Variants in IVD observed in about 807,000 individuals in gnomAD.
The protein encoded by IVD is isovaleryl-CoA dehydrogenase, mitochondrial.
In IVD, 31 loss-of-function variants were observed where a neutral mutation model predicts 51.3. The observed-to-expected ratio is 0.60, with a 90% confidence interval of 0.45 to 0.81. IVD has a LOEUF of 0.81. Ranked by LOEUF, IVD falls within the 40% of genes least tolerant of loss-of-function variation. IVD has a pLI of 0.00. For missense variants in IVD, 475 were observed against 552.0 expected, an observed-to-expected ratio of 0.86 and a Z score of 1.40; for synonymous variants, 205 against 219.4, an observed-to-expected ratio of 0.93 and a Z score of 0.58.
intron 7 of IVD, among the ~76,000 whole-genome samples, chr15:40,430,558 TGG>T (rs1892914669): frequency 6.6e-6 from 1 of 151,640 alleles, no homozygotes; most frequent in African/African-American, 2.4e-5. Context: ...TGGGGCAGAG[TGG>T]ATGCGGGAGG....
chr15:40,427,315 A>G (rs1892726086), downstream of IVD, among the ~76,000 whole-genome samples: 1 of 152,272 alleles, frequency 6.6e-6, no homozygotes, highest in African/African-American at 2.4e-5. Flanking sequence ...GAGCATGCAC[A>G]TGGACATGCA....
chr15:40,428,464 C>G (rs1356570174), downstream of IVD, among the ~76,000 whole-genome samples: 2 of 152,066 alleles, frequency 1.3e-5, no homozygotes, highest in Non-Finnish European at 2.9e-5. Context: ...GCCTTTGGGA[C>G]CTCCCTCTCC....
intron 6 of IVD, 79 bp downstream of exon 6, chr15:40,411,770 A>C: frequency 9.1e-5 from 138 of 1,516,538 alleles, no homozygotes; most frequent in Non-Finnish European, 1.2e-4. Flanking sequence ...CACTGATCTC[A>C]AATGGAATCA....
intron 8 of IVD, 82 bp downstream of exon 8, chr15:40,415,064 C>T (rs1325683123): frequency 2.2e-5 from 33 of 1,518,596 alleles, no homozygotes; most frequent in Non-Finnish European, 3.0e-5. Flanking sequence ...GCAGCCTTCC[C>T]CTTGCGGGGC....
intron 8 of IVD, among the ~76,000 whole-genome samples, chr15:40,434,329 CCTG>C (rs1432599006): frequency 5.3e-5 from 8 of 152,262 alleles, no homozygotes; most frequent in Non-Finnish European, 2.9e-5. Flanking sequence ...AACTTGTCTG[CCTG>C]CTTACTTTTG....
At position 40,414,901 on chromosome 15, in the gene IVD, T is replaced by C; in HGVS notation, c.797T>C (p.Leu266Pro). The C allele has an allele frequency of 6.2e-7, 1 of 1,614,122 alleles. No individual in the cohort carries two copies. Among genetic ancestry groups the C allele is most frequent in the Non-Finnish European group, 8.5e-7 (1 of 1,179,996 alleles). Reference sequence around the variant, plus strand: ...CTTATCCTGGCAGCTGCCAACATCCTGGGCCATGAGAATAAGGGTGTCTAC... The same window carrying C: ...CTTATCCTGGCAGCTGCCAACATCCCGGGCCATGAGAATAAGGGTGTCTAC... ...EDCKIPAANILGHENKGVYVL... is the reference protein window; with the variant it reads ...EDCKIPAANIPGHENKGVYVL... Residue 266 changes from leucine to proline, a missense_variant, in exon 8 of 12, where the codon CTG (leucine) becomes CCG (proline). By Grantham distance (98) the Leu-to-Pro change is moderately conservative. Coordinates refer to ENST00000487418, the MANE Select transcript of IVD (RefSeq NM_002225.5).
rs1566936030 is a variant in IVD at position 40,411,318 on chromosome 15, ATGT to A, written c.519_521del (p.Val174del). On this transcript the variant is annotated inframe_deletion, in exon 5 of 12. Coordinates refer to ENST00000487418, the MANE Select transcript of IVD (RefSeq NM_002225.5). The stretch of plus-strand genomic sequence containing the variant: ...ATGAGTGAGCCCAATGCAGGCTCTG[ATGT>A]TGTCTCTATGAAGCTCAAAGCGGAA... The A allele has an allele frequency of 6.2e-7, 1 of 1,614,142 alleles. No individual in the cohort carries two copies. Among genetic ancestry groups the A allele is most frequent in the Non-Finnish European group, 8.5e-7 (1 of 1,180,034 alleles).
At chr15:40,417,604 C>G (rs1891848880) in intron 11 of IVD, among the ~76,000 whole-genome samples, 1 of 151,940 alleles carries the variant, frequency 6.6e-6, no homozygotes, top group Non-Finnish European at 1.5e-5. Flanking sequence ...CCATGCTGCT[C>G]TGTCATGTTT....
At chr15:40,424,152 T>G (rs919657190), downstream of IVD, 13 of 1,286,748 alleles carry the variant, frequency 1.0e-5, no homozygotes, top group Admixed American at 2.3e-5. Context: ...CCCTCAACCC[T>G]TCCTCTACAC....
downstream of IVD, among the ~76,000 whole-genome samples, chr15:40,423,839 C>T (rs1892510977): frequency 6.6e-6 from 1 of 152,228 alleles, no homozygotes; most frequent in East Asian, 1.9e-4. Flanking sequence ...CGGGCCAGCC[C>T]TGTCCACGGG....
Position 40,405,834 on chromosome 15 carries a change from A to G in IVD, c.7A>G (p.Thr3Ala). 6.2e-7 allele frequency: 1 copy of G among 1,611,850 alleles called. No individual in the cohort carries two copies. Among genetic ancestry groups the G allele is most frequent in the Non-Finnish European group, 8.5e-7 (1 of 1,178,488 alleles). MATATRLLGWRVA... is the reference protein window; with the variant it reads MAAATRLLGWRVA... ...CTCTTCGTGCATGGCAGAGATGGCGACTGCGACTCGGCTGCTGGGGTGGCG... is the reference window on the plus strand; with the variant it reads ...CTCTTCGTGCATGGCAGAGATGGCGGCTGCGACTCGGCTGCTGGGGTGGCG... Residue 3 changes from threonine to alanine, a missense_variant, in exon 1 of 12, where the codon ACT (threonine) becomes GCT (alanine). Transcript: ENST00000487418.
chr15:40,413,698 T>A (rs995559390), intron 7 of IVD, among the ~76,000 whole-genome samples: 4 of 151,232 alleles, frequency 2.6e-5, no homozygotes, highest in African/African-American at 9.7e-5. Flanking sequence ...TTTGTTTGTT[T>A]GTTTGTTTTG....
Position 40,419,222 on chromosome 15 carries a change from C to T in IVD, c.*959C>T. 2 of 1,289,328 alleles carry T rather than the reference C, an allele frequency of 1.6e-6. No individual in the cohort carries two copies. Among genetic ancestry groups the T allele is most frequent in the Non-Finnish European group, 2.0e-6 (2 of 988,828 alleles). The allele number at this position is 1,289,328 out of a possible 1,614,324, so 79.9% of individuals were successfully genotyped here. ...TCCTAGCAGCTTATGAACACATATG[C>T]TTGCTTGGCCAGGCAAGGTGGTGTG... On this transcript the variant is annotated 3_prime_UTR_variant, in exon 12 of 12. Transcript: ENST00000487418.
At chr15:40,427,886 A>G (rs976431275), downstream of IVD, among the ~76,000 whole-genome samples, 1 of 152,064 alleles carries the variant, frequency 6.6e-6, no homozygotes, top group Non-Finnish European at 1.5e-5. Context: ...CAAGGTTGCT[A>G]ATTAAGACTG....
chr15:40,422,210 T>G (rs1892354993), downstream of IVD, among the ~76,000 whole-genome samples: 1 of 145,922 alleles, frequency 6.9e-6, no homozygotes, highest in African/African-American at 2.4e-5. Context: ...TCAACGACGT[T>G]TTGTTTTAGC....
At chr15:40,415,604 T>G in intron 9 of IVD, 122 bp downstream of exon 9, 1 of 827,698 alleles carries the variant, frequency 1.2e-6, no homozygotes, top group Admixed American at 2.0e-5. Flanking sequence ...TGAGCTTGAC[T>G]GCTTGGAATG....
intron 7 of IVD, among the ~76,000 whole-genome samples, chr15:40,430,575 G>A (rs1356872320): frequency 6.6e-6 from 1 of 152,224 alleles, no homozygotes; most frequent in Non-Finnish European, 1.5e-5. Context: ...GGGAGGCTGG[G>A]CTGTGGTTGA....
At chr15:40,434,807 C>T (rs936559619) in intron 8 of IVD, among the ~76,000 whole-genome samples, 2 of 152,180 alleles carry the variant, frequency 1.3e-5, no homozygotes, top group East Asian at 1.9e-4. Flanking sequence ...ATCTGCTTCC[C>T]GGTGTCATGG....
intron 1 of IVD, 52 bp from the exon 2 acceptor site, chr15:40,407,584 G>C: frequency 7.7e-7 from 1 of 1,305,944 alleles, no homozygotes; most frequent in Non-Finnish European, 1.1e-6. Flanking sequence ...GAATGTGTCT[G>C]GGTAGTGGAG....
Sources: allele counts gnomAD v4.1 joint callset (sites outside exome capture counted in the v4.1 genomes callset), GRCh38; gene constraint gnomAD v4.1.1; transcripts MANE v1.5; gene names NCBI Gene and HGNC (gene_info 2026-07-23, HGNC 2026-07-21).